The following TMEM207 variants were observed in gnomAD, a reference collection of about 807,000 sequenced individuals.
TMEM207 encodes SRSR846.
A neutral mutation model predicts 17.4 loss-of-function variants in TMEM207; 15 were observed. The observed-to-expected ratio is 0.86, with a 90% CI of 0.58 to 1.33. The LOEUF is 1.33. TMEM207 is among the 40% of genes most tolerant of loss of function. TMEM207 has a pLI of 0.00. For synonymous variants in TMEM207, 70 were observed against 65.6 expected, an observed-to-expected ratio of 1.07 and a Z score of -0.33; for missense variants, 205 against 173.8, an observed-to-expected ratio of 1.18 and a Z score of -1.01.
chr3:190,436,520 G>A (rs1051106285), intron 4 of TMEM207, among the ~76,000 whole-genome samples: 11 of 152,212 alleles, frequency 7.2e-5, no homozygotes, highest in Non-Finnish European at 1.5e-4. Flanking sequence ...TCTCCGCTGT[G>A]AGCACATACT....
intron 4 of TMEM207, 51 bp downstream of exon 4, chr3:190,440,193 G>T: frequency 6.5e-7 from 1 of 1,549,290 alleles, no homozygotes; most frequent in Non-Finnish European, 8.7e-7. Context: ...TCAATTAACC[G>T]CAAAACCACA....
chr3:190,437,223 A>G (rs1278983819), intron 4 of TMEM207, among the ~76,000 whole-genome samples: 1 of 152,216 alleles, frequency 6.6e-6, no homozygotes, highest in Non-Finnish European at 1.5e-5. Context: ...AAGCTGCTCT[A>G]TAGAAAAGTC....
In TMEM207 at chr3:190,441,623, G is replaced by A. The variant is rs1011556518; in HGVS notation, c.114-141C>T. The A allele has an allele frequency of 3.6e-5, 23 of 630,390 alleles. 1 individual carries two copies. Among genetic ancestry groups the A allele is most frequent in the Middle Eastern group, 5.1e-4 (2 of 3,956 alleles). The allele number at this position is 630,390 out of a possible 1,614,324, so 39.0% of individuals were successfully genotyped here. A position where few individuals can be genotyped will look rare whatever the true frequency, so the allele number is the denominator to read the frequency against. On this transcript the variant is annotated intron_variant, in intron 2 of 4. Coordinates refer to ENST00000354905, the MANE Select transcript of TMEM207 (RefSeq NM_207316.3). ...TTCCCATACCAGCCCATATCGTCCC[G>A]CACCCAGCACAATTATGCAAATGTT...
chr3:190,440,120 G>A (rs1362350599), intron 4 of TMEM207, 124 bp downstream of exon 4: 1 of 1,131,128 alleles, frequency 8.8e-7, no homozygotes, highest in Non-Finnish European at 1.2e-6. Context: ...TGCAGGCCTT[G>A]GTGTCTCCAA....
intron 4 of TMEM207, among the ~76,000 whole-genome samples, chr3:190,436,189 G>A (rs1719800214): frequency 6.6e-6 from 1 of 151,978 alleles, no homozygotes; most frequent in South Asian, 2.1e-4. Flanking sequence ...AATAAGTTTT[G>A]GTAAAAATTT....
chr3:190,437,490 T>C (rs1424672382), intron 4 of TMEM207, among the ~76,000 whole-genome samples: 2 of 152,218 alleles, frequency 1.3e-5, no homozygotes, highest in Admixed American at 6.5e-5. Flanking sequence ...AATCCGCAAA[T>C]TACTGCTTAG....
At chr3:190,440,882 C>A (rs1045465517) in intron 3 of TMEM207, among the ~76,000 whole-genome samples, 4 of 152,156 alleles carry the variant, frequency 2.6e-5, no homozygotes, top group Non-Finnish European at 5.9e-5. Context: ...TCCTGGCTAA[C>A]ACGGTGAAAC....
intron 2 of TMEM207, 136 bp from the exon 3 acceptor site, chr3:190,441,618 G>A (rs148848773): frequency 1.0e-4 from 66 of 652,920 alleles, no homozygotes; most frequent in Non-Finnish European, 1.6e-4. Flanking sequence ...AGCCCATATC[G>A]TCCCGCACCC....
Position 190,428,736 on chromosome 3 carries a change from T to C in TMEM207, c.*859A>G, listed in dbSNP as rs1719623711. On this transcript the variant is annotated 3_prime_UTR_variant, in exon 5 of 5. Transcript: ENST00000354905. ...CATATGTCATCTGTGATGGATGTTTTTGTCTGTCCCCCTGCTGATGGCCAC... is the reference window on the plus strand; with the variant it reads ...CATATGTCATCTGTGATGGATGTTTCTGTCTGTCCCCCTGCTGATGGCCAC... 6.6e-6 allele frequency: 1 copy of C among 152,212 alleles called. No individual in the cohort carries two copies. The highest frequency in any genetic ancestry group is 1.5e-5 in the Non-Finnish European group (1 of 68,034). 9.4% of individuals were successfully genotyped at this position (152,212 alleles called of 1,614,324 possible). A position where few individuals can be genotyped will look rare whatever the true frequency, so the allele number is the denominator to read the frequency against.
chr3:190,429,521 TAAC>T lies in TMEM207; in HGVS notation c.*71_*73del. ...CTCTGGACATTTCCAACAACTGAAA[TAAC>T]TATTCCTAAATTTGATGTTTTGGAA... On this transcript the variant is annotated 3_prime_UTR_variant, in exon 5 of 5. Coordinates refer to ENST00000354905, the MANE Select transcript of TMEM207 (RefSeq NM_207316.3). 6.4e-7 allele frequency: 1 copy of T among 1,561,642 alleles called. No individual in the cohort carries two copies. The highest frequency in any genetic ancestry group is 1.4e-5 in the African/African-American group (1 of 73,680).
chr3:190,431,186 C>A lies in TMEM207; in HGVS notation c.305-1455G>T, dbSNP rs552739400. Among the ~76,000 whole-genome samples the A allele has an allele frequency of 2.0e-4, 30 of 152,158 alleles. No individual in the cohort carries two copies. The South Asian group carries it at 6.0e-3, about 31-fold the overall frequency. On this transcript the variant is annotated intron_variant, in intron 4 of 4. Coordinates refer to ENST00000354905, the MANE Select transcript of TMEM207 (RefSeq NM_207316.3). ...GTTATCTATTTAATTAAATAGTCTA[C>A]TTTTGGGCTATTACATAATATTTCT...
At chr3:190,431,860 T>G (rs938290890) in intron 4 of TMEM207, among the ~76,000 whole-genome samples, 1 of 152,176 alleles carries the variant, frequency 6.6e-6, no homozygotes, top group Non-Finnish European at 1.5e-5. Context: ...TCCTACAAAT[T>G]TTGCTGTTGA....
chr3:190,446,405 C>T (rs561815677), intron 2 of TMEM207, among the ~76,000 whole-genome samples: 10 of 152,278 alleles, frequency 6.6e-5, no homozygotes, highest in East Asian at 1.9e-4. Flanking sequence ...ATATTGTGCA[C>T]GTCTTCAATA....
chr3:190,431,326 T>C (rs777938057), intron 4 of TMEM207, among the ~76,000 whole-genome samples: 1 of 152,102 alleles, frequency 6.6e-6, no homozygotes, highest in Non-Finnish European at 1.5e-5. Flanking sequence ...GAATTATGCA[T>C]CAAGGTTTAC....
At chr3:190,431,241 G>T (rs1024247284) in intron 4 of TMEM207, among the ~76,000 whole-genome samples, 1 of 151,936 alleles carries the variant, frequency 6.6e-6, no homozygotes, top group Admixed American at 6.6e-5. Flanking sequence ...GGCAATAAGG[G>T]TATAATACTC....
intron 4 of TMEM207, among the ~76,000 whole-genome samples, chr3:190,438,681 C>T (rs1719857528): frequency 6.6e-6 from 1 of 152,112 alleles, no homozygotes; most frequent in Non-Finnish European, 1.5e-5. Context: ...TTTTTAGAAA[C>T]TTAAGTTCAG....
chr3:190,447,702 G>A, intron 2 of TMEM207, 88 bp downstream of exon 2: 1 of 1,337,402 alleles, frequency 7.5e-7, no homozygotes, highest in Non-Finnish European at 1.0e-6. Context: ...AAACTCAACT[G>A]GGCTTTTTCT....
At chr3:190,448,375 C>T (rs779852803) in intron 1 of TMEM207, among the ~76,000 whole-genome samples, 1 of 152,062 alleles carries the variant, frequency 6.6e-6, no homozygotes, top group East Asian at 1.9e-4. Context: ...ACAGTCTTCT[C>T]TTTATCAGAG....
At chr3:190,435,911 T>C (rs995959768) in intron 4 of TMEM207, among the ~76,000 whole-genome samples, 12 of 152,210 alleles carry the variant, frequency 7.9e-5, no homozygotes, top group Admixed American at 2.0e-4. Context: ...TGTTTTCTTT[T>C]TTCTGTTTAG....
Sources: allele counts gnomAD v4.1 joint callset (sites outside exome capture counted in the v4.1 genomes callset), GRCh38; gene constraint gnomAD v4.1.1; transcripts MANE v1.5; gene names NCBI Gene and HGNC (gene_info 2026-07-23, HGNC 2026-07-21).